Variants in TAPBPL observed in about 807,000 individuals in gnomAD.
TAPBPL encodes tapasin-related protein.
A neutral mutation model predicts 44.8 loss-of-function variants in TAPBPL; 32 were observed. The ratio of observed to expected loss-of-function variants is 0.71; its 90% CI spans 0.54 to 0.96. TAPBPL has a LOEUF of 0.96. Among genes scored for constraint, TAPBPL ranks in the 40% least tolerant of loss-of-function variants. TAPBPL has a pLI of 0.00. For synonymous variants in TAPBPL, 230 were observed against 240.7 expected, an observed-to-expected ratio of 0.96 and a Z score of 0.41; for missense variants, 520 against 586.6, an observed-to-expected ratio of 0.89 and a Z score of 1.17.
At chr12:6,455,315 T>A (rs535041114) in intron 3 of TAPBPL, among the ~76,000 whole-genome samples, 1 of 152,336 alleles carries the variant, frequency 6.6e-6, no homozygotes, top group African/African-American at 2.4e-5. Flanking sequence ...TGTATTAGTT[T>A]ACAATGAAGG....
rs774241537 is a variant in TAPBPL at position 6,458,751 on chromosome 12, A to G, written c.1011A>G (p.Arg337=). ...TGGATGTGGTGGTGACGTGGACCCG[A>G]GAGGAGCTGGGTGGATCCCCAGCCC... ...YPLDVVVTWT[R]EELGGSPAQV... is the part of the protein sequence containing the mutation. Residue 337 remains arginine, a synonymous_variant, in exon 5 of 7, where the codon CGA becomes CGG. Coordinates refer to ENST00000266556, the MANE Select transcript of TAPBPL (RefSeq NM_018009.5). 1.5e-5 allele frequency: 24 copies of G among 1,613,984 alleles called. No individual in the cohort carries two copies. Among genetic ancestry groups the G allele is most frequent in the Non-Finnish European group, 1.7e-5 (20 of 1,180,034 alleles).
intron 3 of TAPBPL, among the ~76,000 whole-genome samples, chr12:6,456,608 C>G (rs552436820): frequency 6.6e-6 from 1 of 152,120 alleles, no homozygotes; most frequent in East Asian, 1.9e-4. Flanking sequence ...AGGTGATCCA[C>G]CCGCCTGGGC....
At chr12:6,455,177 A>G (rs906098777) in intron 3 of TAPBPL, among the ~76,000 whole-genome samples, 35 of 152,212 alleles carry the variant, frequency 2.3e-4, no homozygotes, top group African/African-American at 8.4e-4. Flanking sequence ...CCGACTCCTC[A>G]TGTGTGTATA....
At chr12:6,464,599 C>G (rs1026175019), downstream of TAPBPL, 57 of 1,458,868 alleles carry the variant, frequency 3.9e-5, no homozygotes, top group Non-Finnish European at 4.9e-5. Context: ...TGTTAAGTGC[C>G]CCATCCCCAT....
In TAPBPL at chr12:6,462,224, A is replaced by C; in HGVS notation, c.*75A>C. On this transcript the variant is annotated 3_prime_UTR_variant, in exon 7 of 7. Transcript: ENST00000266556. ...CCCCACAGCTACTCCAACCCAAACAACAACCAAGCCAGTTTAATGGTAGGA... is the reference window on the plus strand; with the variant it reads ...CCCCACAGCTACTCCAACCCAAACACCAACCAAGCCAGTTTAATGGTAGGA... 2 of 1,284,270 alleles carry C rather than the reference A, an allele frequency of 1.6e-6. No individual in the cohort carries two copies. Among genetic ancestry groups the C allele is most frequent in the Non-Finnish European group, 2.2e-6 (2 of 925,172 alleles). The allele number at this position is 1,284,270 out of a possible 1,614,324, so 79.6% of individuals were successfully genotyped here.
Position 6,462,296 on chromosome 12 carries a change from T to C in TAPBPL, c.*147T>C. 1 of 618,320 alleles carries C rather than the reference T, an allele frequency of 1.6e-6. No homozygotes were observed. Among genetic ancestry groups the C allele is most frequent in the East Asian group, 2.8e-5 (1 of 35,710 alleles). The allele number at this position is 618,320 out of a possible 1,614,324, so 38.3% of individuals were successfully genotyped here. On this transcript the variant is annotated 3_prime_UTR_variant, in exon 7 of 7. Transcript: ENST00000266556. ...TCAGAATACATGACATTGGTAAATA[T>C]GCCACATGCCTTTGGTGGAAGTACA...
chr12:6,453,325 TC>T lies in TAPBPL; in HGVS notation c.295+30del, dbSNP rs758069754. 1 of 1,611,876 alleles carries T rather than the reference TC, an allele frequency of 6.2e-7. No homozygotes were observed. The highest frequency in any genetic ancestry group is 8.5e-7 in the Non-Finnish European group (1 of 1,179,008). On this transcript the variant is annotated intron_variant, in intron 2 of 6. Coordinates refer to ENST00000266556, the MANE Select transcript of TAPBPL (RefSeq NM_018009.5). The surrounding 1 kb of genome is among the most constrained non-coding windows in gnomAD (Gnocchi z 4.8). The stretch of plus-strand genomic sequence containing the variant: ...AAAAGCCTTCCACCTGTGTCCTTGG[TC>T]CTCCCGGGCTCCCTCCACCAGGACA...
At chr12:6,456,942 C>T (rs554906918) in intron 3 of TAPBPL, among the ~76,000 whole-genome samples, 8 of 152,324 alleles carry the variant, frequency 5.3e-5, no homozygotes, top group Admixed American at 1.3e-4. Context: ...CATGAGCCAC[C>T]GCACCCAGCC....
In TAPBPL at chr12:6,453,435, G is replaced by A. The variant is rs1565514434; in HGVS notation, c.296-12G>A. The A allele has an allele frequency of 6.2e-7, 1 of 1,613,676 alleles. No individual in the cohort carries two copies. Among genetic ancestry groups the A allele is most frequent in the African/African-American group, 1.3e-5 (1 of 74,924 alleles). ...CTAATTTGCCCTCTGTGTGTGCCCTGCTTCTCCCCAGTGGACCTGGTCCAG... is the reference window on the plus strand; with the variant it reads ...CTAATTTGCCCTCTGTGTGTGCCCTACTTCTCCCCAGTGGACCTGGTCCAG... On this transcript the variant is annotated splice_polypyrimidine_tract_variant and intron_variant, in intron 2 of 6. Coordinates refer to ENST00000266556, the MANE Select transcript of TAPBPL (RefSeq NM_018009.5). This position sits in a 1 kb window ranked among gnomAD's most constrained non-coding sequence, Gnocchi z 4.8.
downstream of TAPBPL, chr12:6,470,775 C>T: frequency 3.4e-6 from 2 of 581,380 alleles, no homozygotes; most frequent in South Asian, 4.0e-5. Context: ...GGACGGTCGC[C>T]CAGCGCTACA....
At position 6,452,128 on chromosome 12, in the gene TAPBPL, A is replaced by T; in HGVS notation, c.-121A>T. The T allele has an allele frequency of 8.2e-7, 1 of 1,224,762 alleles. No homozygotes were observed. Among genetic ancestry groups the T allele is most frequent in the East Asian group, 2.5e-5 (1 of 39,334 alleles). 75.9% of individuals were successfully genotyped at this position (1,224,762 alleles called of 1,614,324 possible). A position where few individuals can be genotyped will look rare whatever the true frequency, so the allele number is the denominator to read the frequency against. On this transcript the variant is annotated 5_prime_UTR_variant, in exon 1 of 7. Transcript: ENST00000266556. ...CGGCAGCAGAGGGAACAGGGAAGAA[A>T]CCTAAAGGCTGCAGGCTGCCAGGTG... is the stretch of plus-strand genomic sequence containing the variant.
At chr12:6,454,069 T>C (rs1949639907) in intron 3 of TAPBPL, among the ~76,000 whole-genome samples, 1 of 151,568 alleles carries the variant, frequency 6.6e-6, no homozygotes, top group South Asian at 2.1e-4. Flanking sequence ...TTTGCTTTTC[T>C]AAAGTGGTAA....
intron 1 of TAPBPL, 171 bp downstream of exon 1, chr12:6,452,483 T>C: frequency 7.0e-7 from 1 of 1,437,868 alleles, no homozygotes; most frequent in South Asian, 1.5e-5. Context: ...CAATAGTGTG[T>C]GTGGAGGGAG....
In TAPBPL at chr12:6,457,594, G is replaced by T; in HGVS notation, c.754G>T (p.Gly252Cys). 6.2e-7 allele frequency: 1 copy of T among 1,614,190 alleles called. No homozygotes were observed. Residue 252 changes from glycine to cysteine, a missense_variant, in exon 4 of 7, where the codon GGC (glycine) becomes TGC (cysteine). Transcript: ENST00000266556. ...TAGQGQAVRK[G>C]ATLEPAQLGM... ...AGGGCAGGGGCAGGCTGTGCGGAAGGGCGCTACCCTGGAGCCTGCACAACT... is the reference window on the plus strand; with the variant it reads ...AGGGCAGGGGCAGGCTGTGCGGAAGTGCGCTACCCTGGAGCCTGCACAACT...
the TAPBPL span, among the ~76,000 whole-genome samples, chr12:6,471,596 G>C: frequency 6.6e-6 from 1 of 152,212 alleles, no homozygotes; most frequent in African/African-American, 2.4e-5. The surrounding 1 kb of genome is among the most constrained non-coding windows in gnomAD (Gnocchi z 4.0). Context: ...GGGAGGCCGA[G>C]TCAGGCAGAT....
At position 6,453,139 on chromosome 12, in the gene TAPBPL, C is replaced by T. The variant is rs761071079; in HGVS notation, c.137C>T (p.Ala46Val). ...GACTGCTTCCTGGCGAAGGACGGTG[C>T]GCACCGTGGAGCTCTCGCCAGCAGT... The part of the protein sequence containing the change: ...VLDCFLAKDG[A>V]HRGALASSED... The change falls in exon 2 of 7, where the codon GCG becomes GTG. Residue 46 changes from alanine to valine, a missense_variant. Ala to Val is a moderately conservative substitution (Grantham distance 64). Coordinates refer to ENST00000266556, the MANE Select transcript of TAPBPL (RefSeq NM_018009.5). The surrounding 1 kb of genome is among the most constrained non-coding windows in gnomAD (Gnocchi z 4.8). 21 of 1,596,316 alleles carry T rather than the reference C, an allele frequency of 1.3e-5. No individual in the cohort carries two copies. Among genetic ancestry groups the T allele is most frequent in the African/African-American group, 9.4e-5 (7 of 74,822 alleles).
At chr12:6,452,909 T>C (rs1207297235) in intron 1 of TAPBPL, among the ~76,000 whole-genome samples, 158 bp from the exon 2 acceptor site, 1 of 152,042 alleles carries the variant, frequency 6.6e-6, no homozygotes, top group African/African-American at 2.4e-5. Flanking sequence ...GAAAGCTGGT[T>C]TGGGGATGAC....
downstream of TAPBPL, chr12:6,464,315 T>C (rs773317031): frequency 1.3e-5 from 20 of 1,546,298 alleles, 1 homozygote; most frequent in South Asian, 2.3e-4. Flanking sequence ...AGGGACAGAG[T>C]GCAAATGAAC....
chr12:6,461,038 C>G, intron 6 of TAPBPL, 100 bp downstream of exon 6: 2 of 1,563,642 alleles, frequency 1.3e-6, no homozygotes, highest in East Asian at 2.3e-5. Flanking sequence ...GCCCCAAGCT[C>G]CAGCCACCCA....
Sources: gnomAD v4.1 joint callset for allele counts (sites outside exome capture counted in the v4.1 genomes callset) on GRCh38, gnomAD v4.1.1 for gene constraint, Gnocchi (gnomAD v3.1) non-coding constraint, MANE v1.5 for transcripts, NCBI Gene and HGNC (gene_info 2026-07-23, HGNC 2026-07-21) for gene names.